Variants in POU6F2 observed in about 807,000 individuals in gnomAD.
The protein encoded by POU6F2 is POU class 6 homeobox 2.
Under a neutral mutation model 71.3 loss-of-function variants are expected in POU6F2, and 31 were observed. The ratio of observed to expected loss-of-function variants is 0.43; its 90% CI spans 0.33 to 0.59. The LOEUF (loss-of-function observed/expected upper bound fraction) is 0.59, where lower values mean the gene tolerates loss of function less well. Among genes scored for constraint, POU6F2 ranks in the 20% least tolerant of loss-of-function variants. The pLI is 0.04. For missense variants in POU6F2, 783 were observed against 856.8 expected (o/e 0.91, Z 1.07); for synonymous variants, 347 against 355.7 (o/e 0.98, Z 0.27).
intron 4 of POU6F2, among the ~76,000 whole-genome samples, chr7:39,238,916 A>G (rs1442699694): frequency 6.6e-6 from 1 of 152,182 alleles, no homozygotes; most frequent in Non-Finnish European, 1.5e-5. Flanking sequence ...AAAACTGAAC[A>G]TAGAAGGGTA....
At chr7:39,179,194 T>A (rs574210769) in intron 2 of POU6F2, among the ~76,000 whole-genome samples, 2 of 152,356 alleles carry the variant, frequency 1.3e-5, no homozygotes, top group South Asian at 4.1e-4. Context: ...CGTGGAATGA[T>A]CCCAAAAGAC....
chr7:38,993,361 A>G (rs1178775197), intron 1 of POU6F2, among the ~76,000 whole-genome samples: 7 of 152,162 alleles, frequency 4.6e-5, no homozygotes, highest in Admixed American at 4.6e-4. Flanking sequence ...TGCAGTGTTG[A>G]TTGGTTTCAT....
intron 2 of POU6F2, among the ~76,000 whole-genome samples, chr7:39,166,013 A>G (rs1043292581): frequency 1.3e-5 from 2 of 152,206 alleles, no homozygotes; most frequent in African/African-American, 4.8e-5. Context: ...AGGATGTTTA[A>G]CATCATCCCT....
intron 1 of POU6F2, among the ~76,000 whole-genome samples, chr7:38,987,297 A>T (rs1584481489): frequency 6.6e-6 from 1 of 152,296 alleles, no homozygotes; most frequent in East Asian, 1.9e-4. Flanking sequence ...AGAATGGCGT[A>T]AAGAGCTGGT....
At chr7:39,161,179 T>C (rs1432221934) in intron 2 of POU6F2, among the ~76,000 whole-genome samples, 4 of 152,182 alleles carry the variant, frequency 2.6e-5, no homozygotes, top group Non-Finnish European at 5.9e-5. Context: ...CTACAATCTC[T>C]TGCCTTCTCT....
chr7:39,074,474 GT>G (rs1180120531), intron 1 of POU6F2, among the ~76,000 whole-genome samples: 1 of 150,680 alleles, frequency 6.6e-6, no homozygotes, highest in Admixed American at 6.6e-5. Flanking sequence ...AGTGAGACTT[GT>G]CCCCCCCTCA....
At position 39,084,180 on chromosome 7, in the gene POU6F2, T is replaced by C. The variant is rs534460779; in HGVS notation, c.106-1680T>C. On this transcript the variant is annotated intron_variant, in intron 1 of 9. Transcript: ENST00000518318. The stretch of plus-strand genomic sequence containing the variant: ...TTAGATGGCAGAAATATAATTCTTT[T>C]CTTTCTTCCTATTATAAGCCACCAT... Among the ~76,000 whole-genome samples, 3 of 152,320 alleles carry C rather than the reference T, an allele frequency of 2.0e-5. No individual in the cohort carries two copies. The South Asian group carries it at 6.2e-4, about 32-fold the overall frequency.
At chr7:39,364,826 C>A (rs1045152071) in intron 5 of POU6F2, among the ~76,000 whole-genome samples, 10 of 152,122 alleles carry the variant, frequency 6.6e-5, no homozygotes, top group African/African-American at 2.2e-4. Context: ...ACTTTTAGTT[C>A]TTTAAGGAAT....
intron 4 of POU6F2, 125 bp downstream of exon 4, chr7:39,207,745 A>T: frequency 1.1e-6 from 1 of 878,450 alleles, no homozygotes. Context: ...CCTAAATGAT[A>T]TGGAAGGCTT....
At chr7:39,342,303 T>A (rs944107344) in intron 5 of POU6F2, among the ~76,000 whole-genome samples, 8 of 152,222 alleles carry the variant, frequency 5.3e-5, no homozygotes, top group Non-Finnish European at 8.8e-5. Context: ...AGCTGCAGGC[T>A]TTTTGAGTTT....
intron 4 of POU6F2, among the ~76,000 whole-genome samples, chr7:39,319,084 ATCACACCACTGCACC>A (rs1326339389): frequency 6.6e-6 from 1 of 152,184 alleles, no homozygotes; most frequent in African/African-American, 2.4e-5. Flanking sequence ...GTGAGCCATG[ATCACACCACTGCACC>A]TCAATCTGGT....
At chr7:39,313,025 A>G (rs1785196963) in intron 4 of POU6F2, among the ~76,000 whole-genome samples, 1 of 151,706 alleles carries the variant, frequency 6.6e-6, no homozygotes, top group Non-Finnish European at 1.5e-5. Context: ...GTGAGAGCCC[A>G]GAGAACGCAG....
intron 5 of POU6F2, among the ~76,000 whole-genome samples, chr7:39,383,773 C>G (rs1486111638): frequency 6.6e-6 from 1 of 152,220 alleles, no homozygotes; most frequent in East Asian, 1.9e-4. Context: ...GTGAAAGCTA[C>G]AGCCATTACC....
intron 7 of POU6F2, among the ~76,000 whole-genome samples, chr7:39,434,764 A>C (rs976285301): frequency 6.6e-5 from 10 of 151,908 alleles, no homozygotes; most frequent in Admixed American, 5.9e-4. Context: ...TTGTTGACCC[A>C]TCCTCTAAGT....
chr7:39,227,711 C>A (rs1464529839), intron 4 of POU6F2, among the ~76,000 whole-genome samples: 3 of 152,008 alleles, frequency 2.0e-5, no homozygotes, highest in Non-Finnish European at 4.4e-5. Flanking sequence ...TCCGCCACCA[C>A]GCTTGGCTAA....
intron 6 of POU6F2, among the ~76,000 whole-genome samples, chr7:39,407,023 G>A (rs1787448893): frequency 6.6e-6 from 1 of 151,974 alleles, no homozygotes; most frequent in South Asian, 2.1e-4. Flanking sequence ...TTGCATTACA[G>A]GGGGCATTCT....
At chr7:39,412,645 A>G (rs1787572464) in intron 6 of POU6F2, among the ~76,000 whole-genome samples, 1 of 152,116 alleles carries the variant, frequency 6.6e-6, no homozygotes, top group Non-Finnish European at 1.5e-5. Flanking sequence ...CACATATATT[A>G]CTTTATTTCA....
At chr7:39,410,064 G>C (rs948478706) in intron 6 of POU6F2, among the ~76,000 whole-genome samples, 1 of 152,194 alleles carries the variant, frequency 6.6e-6, no homozygotes, top group African/African-American at 2.4e-5. Context: ...TCATAGAGTA[G>C]AGGCCAGGCA....
At chr7:39,172,042 C>G (rs1277036744) in intron 2 of POU6F2, among the ~76,000 whole-genome samples, 1 of 152,128 alleles carries the variant, frequency 6.6e-6, no homozygotes, top group East Asian at 1.9e-4. Context: ...AAAAGGAACA[C>G]TTGCTCCTTT....
Sources: gnomAD v4.1 joint callset for allele counts (sites outside exome capture counted in the v4.1 genomes callset) on GRCh38, gnomAD v4.1.1 for gene constraint, MANE v1.5 for transcripts, NCBI Gene and HGNC (gene_info 2026-07-23, HGNC 2026-07-21) for gene names.